Variants in TENM2 observed in about 807,000 individuals in gnomAD.
TENM2 encodes the protein teneurin transmembrane protein 2.
Under a neutral mutation model 245.2 loss-of-function variants are expected in TENM2, and 52 were observed. That is an observed-to-expected ratio of 0.21 (90% confidence interval 0.17 to 0.27). The LOEUF (loss-of-function observed/expected upper bound fraction) is 0.27. Among genes scored for constraint, TENM2 ranks in the 10% least tolerant of loss-of-function variants. TENM2 has a pLI of 1.00. For synonymous variants in TENM2, 1,363 were observed against 1,438.9 expected (o/e 0.95, Z 1.19); for missense variants, 3,046 against 3,666.8 (o/e 0.83, Z 4.37).
At chr5:168,008,593 G>T (rs1030824104) in intron 5 of TENM2, among the ~76,000 whole-genome samples, 1 of 152,104 alleles carries the variant, frequency 6.6e-6, no homozygotes, top group East Asian at 1.9e-4. Flanking sequence ...GTGAGGCCCT[G>T]ATGAAAGGGG....
At chr5:168,090,412 G>T (rs377660725) in intron 7 of TENM2, among the ~76,000 whole-genome samples, 162 bp from the exon 10 acceptor site, 5 of 152,220 alleles carry the variant, frequency 3.3e-5, no homozygotes, top group African/African-American at 9.6e-5. Context: ...TGTTATTATT[G>T]TTACACATTT....
At chr5:167,474,820 A>G (rs1767263283) in intron 2 of TENM2, among the ~76,000 whole-genome samples, 1 of 152,142 alleles carries the variant, frequency 6.6e-6, no homozygotes, top group Non-Finnish European at 1.5e-5. Flanking sequence ...TTGGCCTAAA[A>G]AGAGATATTT....
chr5:168,050,345 C>T (rs1416259371), intron 6 of TENM2, among the ~76,000 whole-genome samples: 3 of 151,988 alleles, frequency 2.0e-5, no homozygotes, highest in Admixed American at 1.3e-4. Flanking sequence ...ATTTGTATAC[C>T]CAGTGACCTC....
intron 2 of TENM2, among the ~76,000 whole-genome samples, chr5:167,688,229 AT>A (rs1200267963): frequency 6.6e-6 from 1 of 152,118 alleles, no homozygotes; most frequent in Non-Finnish European, 1.5e-5. Flanking sequence ...CACTGTGTGT[AT>A]TTTGAAACAG....
intron 2 of TENM2, among the ~76,000 whole-genome samples, chr5:167,520,021 T>C (rs952209456): frequency 3.3e-5 from 5 of 152,140 alleles, no homozygotes; most frequent in Non-Finnish European, 5.9e-5. Context: ...TGTTGGAAAT[T>C]AGAACCTTGA....
At chr5:167,602,343 C>G (rs973914066) in intron 2 of TENM2, among the ~76,000 whole-genome samples, 1 of 152,156 alleles carries the variant, frequency 6.6e-6, no homozygotes, top group Non-Finnish European at 1.5e-5. Context: ...ATATGAAACC[C>G]ACTGCTGGCC....
intron 2 of TENM2, among the ~76,000 whole-genome samples, chr5:167,523,101 G>T (rs796917441): frequency 6.6e-6 from 1 of 152,084 alleles, no homozygotes. Flanking sequence ...CCTTTCTCAT[G>T]TAAGGATACA....
At chr5:167,077,623 G>A in the TENM2 span, among the ~76,000 whole-genome samples, 2 of 152,292 alleles carry the variant, frequency 1.3e-5, no homozygotes, top group Non-Finnish European at 2.9e-5. Context: ...TTTAAATCAT[G>A]CCTTGTTTGT....
intron 2 of TENM2, among the ~76,000 whole-genome samples, chr5:167,415,466 A>G (rs1763117149): frequency 6.6e-6 from 1 of 152,194 alleles, no homozygotes; most frequent in Non-Finnish European, 1.5e-5. Context: ...TTTTCTAATT[A>G]TCATTGACAT....
intron 2 of TENM2, among the ~76,000 whole-genome samples, chr5:167,668,864 GA>G (rs1755748044): frequency 6.6e-6 from 1 of 152,166 alleles, no homozygotes; most frequent in Admixed American, 6.5e-5. Flanking sequence ...TGAGGCCGGA[GA>G]ATCACTTGAA....
chr5:167,238,910 T>C, the TENM2 span, among the ~76,000 whole-genome samples: 5 of 152,234 alleles, frequency 3.3e-5, no homozygotes, highest in African/African-American at 7.2e-5. Flanking sequence ...TATGAACAGA[T>C]ACTGCTTTAG....
At chr5:167,803,578 G>A (rs1486356125) in intron 2 of TENM2, among the ~76,000 whole-genome samples, 3 of 152,000 alleles carry the variant, frequency 2.0e-5, no homozygotes, top group Non-Finnish European at 2.9e-5. Context: ...TCCATTACCA[G>A]GACACAGATC....
rs532536308 is a variant in TENM2, at chr5:167,866,005, G to A, written c.503-9981G>A. ...ACTGGGTGCTAGGATACAAAGATGTGTATAGTGTATAACCTGTACCCAAAG... is the reference window on the plus strand; with the variant it reads ...ACTGGGTGCTAGGATACAAAGATGTATATAGTGTATAACCTGTACCCAAAG... On this transcript the variant is annotated intron_variant, in intron 2 of 28. Transcript: ENST00000518659. 9.8e-5 allele frequency among the ~76,000 whole-genome samples: 15 copies of A among 152,326 alleles called. 1 individual carries two copies. The East Asian group carries it at 2.7e-3, about 27-fold the overall frequency.
intron 3 of TENM2, among the ~76,000 whole-genome samples, chr5:167,897,935 C>T (rs928803143): frequency 6.9e-6 from 1 of 144,688 alleles, no homozygotes; most frequent in Non-Finnish European, 1.5e-5. Flanking sequence ...CCGGGTACTA[C>T]CTTAAACATT....
chr5:168,131,686 C>T (rs1375022919), intron 12 of TENM2, among the ~76,000 whole-genome samples: 1 of 152,198 alleles, frequency 6.6e-6, no homozygotes, highest in Non-Finnish European at 1.5e-5. Flanking sequence ...AGACTGAGGA[C>T]AGCTGCTTCT....
chr5:167,712,705 C>T (rs531841407), intron 2 of TENM2, among the ~76,000 whole-genome samples: 1 of 152,154 alleles, frequency 6.6e-6, no homozygotes, highest in South Asian at 2.1e-4. Flanking sequence ...AAAGAAAAGC[C>T]TATAACTGAG....
intron 2 of TENM2, among the ~76,000 whole-genome samples, chr5:167,718,073 A>G (rs1445100870): frequency 6.6e-6 from 1 of 152,208 alleles, no homozygotes; most frequent in Admixed American, 6.5e-5. Flanking sequence ...ATTGGATTTT[A>G]GCTGTACTGT....
intron 2 of TENM2, among the ~76,000 whole-genome samples, chr5:167,514,634 C>T (rs1229869229): frequency 1.3e-5 from 2 of 152,198 alleles, no homozygotes; most frequent in Admixed American, 6.5e-5. Flanking sequence ...CCAAGTGCTT[C>T]TTGGAAGAGG....
chr5:167,042,237 T>C, the TENM2 span, among the ~76,000 whole-genome samples: 1 of 152,206 alleles, frequency 6.6e-6, no homozygotes, highest in Non-Finnish European at 1.5e-5. Context: ...ATATGCAACT[T>C]CAAACACATT....
Sources: allele counts gnomAD v4.1 joint callset (sites outside exome capture counted in the v4.1 genomes callset), GRCh38; gene constraint gnomAD v4.1.1; transcripts MANE v1.5; gene names NCBI Gene and HGNC (gene_info 2026-07-23, HGNC 2026-07-21).